SUPT3H: variants seen among roughly 807,000 people sequenced by gnomAD.
SUPT3H encodes transcription initiation protein SPT3 homolog.
SUPT3H carries 44 observed loss-of-function variants against 44.3 expected under a neutral mutation model. The observed-to-expected ratio is 0.99, with a 90% CI of 0.78 to 1.28. SUPT3H has a LOEUF of 1.28. Ranked by LOEUF, SUPT3H falls within the 50% of genes most tolerant of loss-of-function variation. The pLI, the probability that SUPT3H is intolerant of heterozygous loss-of-function variation, is 0.00. For missense variants in SUPT3H, 380 were observed against 387.1 expected (o/e 0.98, Z 0.15); for synonymous variants, 124 against 125.6 (o/e 0.99, Z 0.09).
intron 10 of SUPT3H, among the ~76,000 whole-genome samples, chr6:44,830,448 T>C (rs1177491137): frequency 2.0e-5 from 3 of 152,160 alleles, no homozygotes; most frequent in African/African-American, 7.2e-5. Context: ...GATGTACACA[T>C]GGATATGCAT....
At chr6:44,901,996 C>T (rs1405003154) in intron 10 of SUPT3H, among the ~76,000 whole-genome samples, 1 of 152,036 alleles carries the variant, frequency 6.6e-6, no homozygotes, top group Non-Finnish European at 1.5e-5. Flanking sequence ...CACCACCAGG[C>T]CTGCCCTAAA....
At chr6:44,884,531 T>C (rs369748813) in intron 10 of SUPT3H, among the ~76,000 whole-genome samples, 2 of 152,128 alleles carry the variant, frequency 1.3e-5, no homozygotes, top group African/African-American at 4.8e-5. Flanking sequence ...TAAAAACACA[T>C]GCACACATAT....
At chr6:44,870,434 G>A (rs1446065074) in intron 10 of SUPT3H, among the ~76,000 whole-genome samples, 1 of 151,528 alleles carries the variant, frequency 6.6e-6, no homozygotes, top group Non-Finnish European at 1.5e-5. Flanking sequence ...CCATCTCTAC[G>A]AAAAATACAA....
chr6:44,927,332 A>G (rs1769660985), intron 10 of SUPT3H, among the ~76,000 whole-genome samples: 1 of 152,184 alleles, frequency 6.6e-6, no homozygotes. Context: ...GTTTTATTCT[A>G]TTCTTTATTT....
chr6:45,062,837 G>A (rs2153543736), intron 3 of SUPT3H, among the ~76,000 whole-genome samples: 1 of 152,164 alleles, frequency 6.6e-6, no homozygotes, highest in Non-Finnish European at 1.5e-5. Context: ...CTGATTGCTA[G>A]CACAGCAGTC....
intron 2 of SUPT3H, chr6:45,322,037 A>G (rs1398581880): frequency 1.8e-6 from 1 of 549,702 alleles, no homozygotes; most frequent in Admixed American, 3.5e-5. Context: ...TAATAACTTA[A>G]TAAGAATCAT....
intron 11 of SUPT3H, among the ~76,000 whole-genome samples, chr6:44,815,230 TAAA>T (rs1169246634): frequency 6.6e-6 from 1 of 152,050 alleles, no homozygotes; most frequent in African/African-American, 2.4e-5. Context: ...TTAAAAATAA[TAAA>T]AAGGGTGGTA....
chr6:45,085,283 C>A (rs1192103658), intron 3 of SUPT3H, among the ~76,000 whole-genome samples: 1 of 152,106 alleles, frequency 6.6e-6, no homozygotes, highest in African/African-American at 2.4e-5. Context: ...TCTGAAGCAT[C>A]TCTATGCACC....
At chr6:44,853,177 G>A (rs931430678) in intron 10 of SUPT3H, among the ~76,000 whole-genome samples, 3 of 152,162 alleles carry the variant, frequency 2.0e-5, no homozygotes, top group South Asian at 2.1e-4. Context: ...TTATAACAAT[G>A]CTATTAGACA....
chr6:45,284,578 G>A (rs1233165876), intron 2 of SUPT3H, among the ~76,000 whole-genome samples: 4 of 152,098 alleles, frequency 2.6e-5, no homozygotes, highest in African/African-American at 4.8e-5. Flanking sequence ...CCAATAACAG[G>A]CTCTGAAATA....
intron 2 of SUPT3H, among the ~76,000 whole-genome samples, chr6:45,264,568 T>C (rs968202261): frequency 3.3e-5 from 5 of 152,184 alleles, no homozygotes; most frequent in African/African-American, 1.2e-4. Flanking sequence ...ACATTGGTTA[T>C]AAGGTTCCTG....
chr6:45,209,943 C>T (rs534920921), intron 2 of SUPT3H, among the ~76,000 whole-genome samples: 1 of 152,268 alleles, frequency 6.6e-6, no homozygotes, highest in Admixed American at 6.5e-5. Context: ...GACTATGACA[C>T]ATTGAAGGTT....
At chr6:45,168,853 CTTCAATGCCA>C (rs1201151762) in intron 2 of SUPT3H, among the ~76,000 whole-genome samples, 2 of 152,140 alleles carry the variant, frequency 1.3e-5, no homozygotes, top group Non-Finnish European at 2.9e-5. Flanking sequence ...TGTTAAGGGC[CTTCAATGCCA>C]TTCAATGTCA....
At chr6:44,889,180 G>T (rs1762850433) in intron 10 of SUPT3H, among the ~76,000 whole-genome samples, 1 of 152,166 alleles carries the variant, frequency 6.6e-6, no homozygotes, top group Middle Eastern at 3.4e-3. Context: ...TTGTGAAAAT[G>T]GCCATACTGT....
At chr6:45,329,770 T>A (rs929009783) in intron 2 of SUPT3H, among the ~76,000 whole-genome samples, 1 of 151,972 alleles carries the variant, frequency 6.6e-6, no homozygotes, top group African/African-American at 2.4e-5. Flanking sequence ...GATACAGATA[T>A]GTAAATGACT....
chr6:45,204,280 G>GAAGAAGAAGAAGAAGAAGAAGAAGAAC (rs1430495393), intron 2 of SUPT3H, among the ~76,000 whole-genome samples: 11 of 148,650 alleles, frequency 7.4e-5, no homozygotes, highest in Non-Finnish European at 1.5e-4. Flanking sequence ...AGAAGAAGAA[G>GAAGAAGAAGAAGAAGAAGAAGAAGAAC]AACCACCTGT....
At position 45,066,258 on chromosome 6, in the gene SUPT3H, C is replaced by T. The variant is rs555938839; in HGVS notation, c.186+39664G>A. The stretch of plus-strand genomic sequence containing the variant: ...AGAAAAAGCCTTTGACAAAATTCAA[C>T]AACTCCTTCATGCTAAAAACTCTCA... On this transcript the variant is annotated intron_variant, in intron 3 of 10. Transcript: ENST00000371459. Among the ~76,000 whole-genome samples, 3 of 152,150 alleles carry T rather than the reference C, an allele frequency of 2.0e-5. No homozygotes were observed. In the East Asian group the frequency reaches 5.8e-4, roughly 29 times the overall value.
At chr6:45,288,595 A>G (rs190863799) in intron 2 of SUPT3H, among the ~76,000 whole-genome samples, 5,016 of 62,944 alleles carry the variant, frequency 0.08, 193 homozygotes, top group Non-Finnish European at 0.12. Context: ...ATATATATAT[A>G]TGTGTATATA....
At chr6:45,238,705 C>G (rs950750257) in intron 2 of SUPT3H, among the ~76,000 whole-genome samples, 3 of 152,176 alleles carry the variant, frequency 2.0e-5, no homozygotes, top group African/African-American at 7.2e-5. Flanking sequence ...GACTCTATAA[C>G]TCCTTATTTG....
Sources: gnomAD v4.1 joint callset for allele counts (sites outside exome capture counted in the v4.1 genomes callset) on GRCh38, gnomAD v4.1.1 for gene constraint, MANE v1.5 for transcripts, NCBI Gene and HGNC (gene_info 2026-07-23, HGNC 2026-07-21) for gene names.